Variants in STK24 observed in about 807,000 individuals in gnomAD.
STK24 encodes serine/threonine kinase 24.
STK24 carries 21 observed loss-of-function variants against 55.6 expected under a neutral mutation model. That is an observed-to-expected ratio of 0.38 (90% CI 0.27 to 0.54). The LOEUF is 0.54. STK24 is among the 20% of genes least tolerant of loss of function. The pLI is 0.79. For missense variants in STK24, 383 were observed against 538.4 expected (o/e 0.71, Z 2.86); for synonymous variants, 200 against 215.2 (o/e 0.93, Z 0.62).
intron 9 of STK24, 31 bp downstream of exon 9, chr13:98,460,341 C>A: frequency 6.3e-7 from 1 of 1,596,220 alleles, no homozygotes; most frequent in Non-Finnish European, 8.6e-7. Flanking sequence ...CCCCTCCCCT[C>A]CCACTCCGAA....
chr13:98,496,419 G>T (rs946725612), intron 2 of STK24, among the ~76,000 whole-genome samples: 2 of 152,178 alleles, frequency 1.3e-5, no homozygotes, highest in African/African-American at 4.8e-5. Context: ...AGGGCGTGAG[G>T]CTACTGAGCA....
rs767869076 is a variant in STK24 at position 98,448,368 on chromosome 13, C to T, written c.*4805G>A. The T allele has an allele frequency of 7.2e-7, 1 of 1,389,484 alleles. No individual in the cohort carries two copies. Among genetic ancestry groups the T allele is most frequent in the African/African-American group, 1.4e-5 (1 of 70,560 alleles). 86.1% of individuals were successfully genotyped at this position (1,389,484 alleles called of 1,614,324 possible). On this transcript the variant is annotated 3_prime_UTR_variant, in exon 11 of 11. Transcript: ENST00000539966. ...TGGCTGCTTTCCTGGAAGACGTTTCCTTTCTTCTGTATTAATGAAGCCTGG... is the reference window on the plus strand; with the variant it reads ...TGGCTGCTTTCCTGGAAGACGTTTCTTTTCTTCTGTATTAATGAAGCCTGG...
chr13:98,521,925 T>C (rs1411729427), intron 1 of STK24: 6 of 1,115,470 alleles, frequency 5.4e-6, no homozygotes, highest in Non-Finnish European at 8.2e-6. Flanking sequence ...CCCTCTCTGC[T>C]GGCTCTCTGC....
chr13:98,468,522 G>A (rs558973593), intron 5 of STK24, among the ~76,000 whole-genome samples: 1 of 152,284 alleles, frequency 6.6e-6, no homozygotes, highest in East Asian at 1.9e-4. Context: ...AGGGAGGACC[G>A]AGGAGGGGAG....
intron 1 of STK24, among the ~76,000 whole-genome samples, chr13:98,527,712 C>T (rs1185625712): frequency 6.6e-6 from 1 of 152,160 alleles, no homozygotes; most frequent in Non-Finnish European, 1.5e-5. Context: ...GGACCAGGAC[C>T]GGGTGAGCCA....
intron 2 of STK24, among the ~76,000 whole-genome samples, chr13:98,511,039 C>T (rs1242575288): frequency 2.0e-5 from 3 of 152,156 alleles, no homozygotes; most frequent in Non-Finnish European, 4.4e-5. Flanking sequence ...CACTCTGTTA[C>T]CCAGGCTGGG....
chr13:98,554,473 T>G (rs1411206877), intron 1 of STK24, among the ~76,000 whole-genome samples: 1 of 152,170 alleles, frequency 6.6e-6, no homozygotes, highest in Non-Finnish European at 1.5e-5. Context: ...TCTCACAGAT[T>G]AAATCAACTA....
intron 2 of STK24, among the ~76,000 whole-genome samples, chr13:98,486,945 G>A (rs546818962): frequency 1.3e-5 from 2 of 152,332 alleles, no homozygotes; most frequent in East Asian, 3.9e-4. Flanking sequence ...ACAATTAAAT[G>A]AGATCATGAG....
intron 6 of STK24, 69 bp downstream of exon 6, chr13:98,466,307 C>T (rs1893924401): frequency 6.6e-7 from 1 of 1,505,534 alleles, no homozygotes; most frequent in Admixed American, 2.0e-5. Flanking sequence ...AAAGCAATCC[C>T]AACAGGATGT....
intron 2 of STK24, among the ~76,000 whole-genome samples, chr13:98,496,711 T>G (rs1171437508): frequency 2.0e-5 from 3 of 152,368 alleles, no homozygotes; most frequent in Admixed American, 6.5e-5. Flanking sequence ...TTGCAGACTC[T>G]GCTTATTATA....
intron 8 of STK24, 109 bp from the exon 9 acceptor site, chr13:98,460,549 C>T: frequency 1.2e-6 from 1 of 851,814 alleles, no homozygotes; most frequent in Non-Finnish European, 1.9e-6. Context: ...TGCCTCTACA[C>T]TTCACGCTGA....
intron 2 of STK24, among the ~76,000 whole-genome samples, chr13:98,487,606 T>C (rs1232515067): frequency 6.6e-6 from 1 of 152,170 alleles, no homozygotes; most frequent in African/African-American, 2.4e-5. Context: ...TTACCCCCCT[T>C]TTACCCAAAC....
intron 1 of STK24, chr13:98,522,129 C>A: frequency 8.1e-7 from 1 of 1,240,576 alleles, no homozygotes; most frequent in Non-Finnish European, 1.0e-6. Flanking sequence ...CGTGTCTGAG[C>A]CTTGTCAACC....
chr13:98,548,960 T>C (rs889406170), intron 1 of STK24, among the ~76,000 whole-genome samples: 2 of 148,448 alleles, frequency 1.3e-5, no homozygotes, highest in African/African-American at 5.0e-5. Flanking sequence ...CCTTTAGTAA[T>C]AACAAATAGA....
intron 1 of STK24, among the ~76,000 whole-genome samples, chr13:98,552,138 T>C (rs1270652741): frequency 6.6e-6 from 1 of 152,236 alleles, no homozygotes; most frequent in Non-Finnish European, 1.5e-5. Context: ...TATTGTCTAA[T>C]TTTTAAACAA....
In STK24 at chr13:98,520,497, T is replaced by C. The variant is rs113794252; in HGVS notation, c.43-1024A>G. Among the ~76,000 whole-genome samples the C allele has an allele frequency of 4.0e-3, 604 of 151,930 alleles. 4 individuals are homozygous for C. Among genetic ancestry groups the C allele is most frequent in the Non-Finnish European group, 4.9e-3 (330 of 67,964 alleles). On this transcript the variant is annotated intron_variant, in intron 1 of 10. Coordinates refer to ENST00000539966, the MANE Select transcript of STK24 (RefSeq NM_001032296.4). The stretch of plus-strand genomic sequence containing the variant: ...GAGTCCTTTGAAGAAGCTGAACTAC[T>C]AGGAAAAGGAACAAGCACAGGGAGG...
intron 2 of STK24, among the ~76,000 whole-genome samples, chr13:98,484,661 C>T (rs192509362): frequency 1.3e-5 from 2 of 152,276 alleles, no homozygotes; most frequent in Admixed American, 6.5e-5. Flanking sequence ...CACCACTTGC[C>T]AAGCAAACAA....
chr13:98,536,360 CT>C (rs34138053), intron 1 of STK24, among the ~76,000 whole-genome samples: 15,910 of 146,510 alleles, frequency 0.11, 850 homozygotes, highest in African/African-American at 0.14. Flanking sequence ...CTTCTTCTAT[CT>C]TTTTTTTTTT....
chr13:98,564,165 CA>C (rs570218247), intron 1 of STK24, among the ~76,000 whole-genome samples: 48 of 152,270 alleles, frequency 3.2e-4, no homozygotes, highest in Admixed American at 5.9e-4. Context: ...TACTTTTTCC[CA>C]TTCTGAAATA....
Sources: gnomAD v4.1 joint callset for allele counts (sites outside exome capture counted in the v4.1 genomes callset) on GRCh38, gnomAD v4.1.1 for gene constraint, MANE v1.5 for transcripts, NCBI Gene and HGNC (gene_info 2026-07-23, HGNC 2026-07-21) for gene names.